The following TSPEAR variants were observed in gnomAD, a reference collection of about 807,000 sequenced individuals.
TSPEAR encodes thrombospondin type laminin G domain and EAR repeats, also known as thrombospondin-type laminin G domain and EAR repeat-containing protein.
A neutral mutation model predicts 71.6 loss-of-function variants in TSPEAR; 69 were observed. The ratio of observed to expected loss-of-function variants is 0.96; its 90% CI spans 0.79 to 1.18. TSPEAR has a LOEUF of 1.18. Among genes scored for constraint, TSPEAR ranks in the 50% most tolerant of loss-of-function variants. The probability of loss-of-function intolerance (pLI) is 0.00; values close to 1 mark genes in which losing one functional copy is unlikely to be tolerated. For synonymous variants in TSPEAR, 402 were observed against 387.2 expected (o/e 1.04, Z -0.45); for missense variants, 971 against 894.9 (o/e 1.09, Z -1.09).
chr21:44,644,113 T>A (rs1223890865), intron 1 of TSPEAR, among the ~76,000 whole-genome samples: 1 of 152,112 alleles, frequency 6.6e-6, no homozygotes, highest in Non-Finnish European at 1.5e-5. Flanking sequence ...TTCAACTCAC[T>A]CAGATCCCCA....
chr21:44,665,965 C>T (rs1452742790), intron 1 of TSPEAR, among the ~76,000 whole-genome samples: 1 of 152,194 alleles, frequency 6.6e-6, no homozygotes, highest in Non-Finnish European at 1.5e-5. Context: ...ACCACTCTAC[C>T]ACAGGCGGGT....
intron 1 of TSPEAR, among the ~76,000 whole-genome samples, chr21:44,584,164 A>T (rs1979190256): frequency 6.6e-6 from 1 of 152,042 alleles, no homozygotes; most frequent in East Asian, 1.9e-4. Flanking sequence ...TTTAGATTCC[A>T]CATATAAGCG....
chr21:44,566,983 G>A (rs1555921821), intron 2 of TSPEAR, among the ~76,000 whole-genome samples: 1 of 151,960 alleles, frequency 6.6e-6, no homozygotes, highest in African/African-American at 2.4e-5. Context: ...AAAAGTACAA[G>A]CAACAAAATA....
intron 1 of TSPEAR, among the ~76,000 whole-genome samples, chr21:44,672,111 T>A (rs1311858764): frequency 1.3e-5 from 2 of 151,508 alleles, no homozygotes; most frequent in African/African-American, 2.4e-5. Flanking sequence ...GAAGAAAAAA[T>A]TTCAGAAGTT....
chr21:44,649,113 G>A (rs1464404556), intron 1 of TSPEAR, among the ~76,000 whole-genome samples: 9 of 152,202 alleles, frequency 5.9e-5, no homozygotes, highest in African/African-American at 9.6e-5. Flanking sequence ...TCCCTCCACC[G>A]CCTGCTGGAC....
rs1408422810 is a variant in TSPEAR at position 44,499,652 on chromosome 21, C to T, written c.*131G>A. 7.0e-6 allele frequency: 7 copies of T among 1,004,348 alleles called. No individual in the cohort carries two copies. The highest frequency in any genetic ancestry group is 1.7e-5 in the African/African-American group (1 of 58,668). The allele number at this position is 1,004,348 out of a possible 1,614,324, so 62.2% of individuals were successfully genotyped here. The stretch of plus-strand genomic sequence containing the variant: ...GAACCAGGGCCGCAGATGGCCCCAC[C>T]TGCACCCTGCCTGATGCCCAGGCCC... On this transcript the variant is annotated 3_prime_UTR_variant, in exon 12 of 12. Transcript: ENST00000323084.
chr21:44,706,403 G>A (rs945577681), intron 1 of TSPEAR, among the ~76,000 whole-genome samples: 6 of 148,564 alleles, frequency 4.0e-5, no homozygotes, highest in Non-Finnish European at 7.4e-5. Flanking sequence ...CCATGCGCAC[G>A]CACCCATGCA....
rs782753184 is a variant in TSPEAR, at chr21:44,547,790, CACTTCCTGCTTGCACCTTT to C, written c.304-13886_304-13868del. Among the ~76,000 whole-genome samples the C allele has an allele frequency of 4.2e-3, 636 of 152,102 alleles. 1 individual carries two copies. Among genetic ancestry groups the C allele is most frequent in the Admixed American group, 9.2e-3 (141 of 15,270 alleles). Reference sequence around the variant, plus strand: ...CCCCTTCACTTCCTGCTTGCATCTTCACTTCCTGCTTGCACCTTTACTTCCTGCTTGCACCTTCCCTTCC... The same window carrying C: ...CCCCTTCACTTCCTGCTTGCATCTTCACTTCCTGCTTGCACCTTCCCTTCC... On this transcript the variant is annotated intron_variant, in intron 2 of 11. Transcript: ENST00000323084.
At chr21:44,615,554 T>TG (rs1207378969) in intron 1 of TSPEAR, among the ~76,000 whole-genome samples, 2 of 148,244 alleles carry the variant, frequency 1.3e-5, no homozygotes, top group African/African-American at 5.2e-5. Context: ...CAAAGGTTTT[T>TG]TTTTTTTTTT....
At chr21:44,676,930 A>G in intron 1 of TSPEAR, 2 of 880,368 alleles carry the variant, frequency 2.3e-6, no homozygotes, top group Non-Finnish European at 3.9e-6. Flanking sequence ...ACGGGCAATC[A>G]GGGAGTTCAG....
chr21:44,527,477 A>G lies in TSPEAR; in HGVS notation c.964T>C (p.Ser322Pro), dbSNP rs2052881032. The change falls in exon 7 of 12, where the codon TCC (serine) becomes CCC (proline). Residue 322 changes from serine to proline, a missense_variant. By Grantham distance (74) the Ser-to-Pro change is moderately conservative. Coordinates refer to ENST00000323084, the MANE Select transcript of TSPEAR (RefSeq NM_144991.3). ...LDYVEEHQNLSTNSETLGIEV... is the reference protein window; with the variant it reads ...LDYVEEHQNLPTNSETLGIEV... ...ATGCCCAGGGTCTCTGAGTTGGTGGACAAGTTCTGATGCTCCTCCACGTAG... is the reference window on the plus strand; with the variant it reads ...ATGCCCAGGGTCTCTGAGTTGGTGGGCAAGTTCTGATGCTCCTCCACGTAG... The G allele has an allele frequency of 1.2e-6, 2 of 1,614,224 alleles. No individual in the cohort carries two copies. The highest frequency in any genetic ancestry group is 1.1e-5 in the South Asian group (1 of 91,088).
intron 1 of TSPEAR, chr21:44,637,498 CGAGCCCTGCTGCTGT>C (rs1569233073): frequency 1.2e-6 from 2 of 1,613,302 alleles, no homozygotes; most frequent in African/African-American, 2.7e-5. Context: ...AGAGCTGCTG[CGAGCCCTGCTGCTGT>C]GCCCCAGCCC....
intron 2 of TSPEAR, among the ~76,000 whole-genome samples, chr21:44,556,804 T>C (rs2053538762): frequency 6.6e-6 from 1 of 152,102 alleles, no homozygotes; most frequent in Non-Finnish European, 1.5e-5. Flanking sequence ...ATCTTCCTAG[T>C]TGCAACAGGA....
chr21:44,529,068 A>G (rs1038303189), intron 5 of TSPEAR, among the ~76,000 whole-genome samples: 3 of 152,194 alleles, frequency 2.0e-5, no homozygotes, highest in African/African-American at 7.2e-5. Flanking sequence ...TGCACCTGCC[A>G]GCCGGTGCTG....
intron 8 of TSPEAR, among the ~76,000 whole-genome samples, chr21:44,522,884 C>T (rs1410399188): frequency 6.6e-6 from 1 of 152,274 alleles, no homozygotes. Flanking sequence ...GGGCCCACCA[C>T]CCAACATCTG....
At chr21:44,549,605 G>A (rs587641859) in intron 2 of TSPEAR, among the ~76,000 whole-genome samples, 2 of 152,368 alleles carry the variant, frequency 1.3e-5, no homozygotes, top group Admixed American at 6.5e-5. Context: ...ACGTGGTGAC[G>A]GTCATACCTC....
At chr21:44,510,300 C>G (rs2052332427) in intron 9 of TSPEAR, among the ~76,000 whole-genome samples, 2 of 152,218 alleles carry the variant, frequency 1.3e-5, no homozygotes, top group South Asian at 4.1e-4. Context: ...GAGGACGGAG[C>G]CGGTCATGCT....
chr21:44,653,921 A>T (rs1490311229), intron 1 of TSPEAR, among the ~76,000 whole-genome samples: 1 of 152,198 alleles, frequency 6.6e-6, no homozygotes, highest in Admixed American at 6.5e-5. Context: ...GCTTTCCAGA[A>T]TCCTGGGGAA....
chr21:44,575,855 A>G (rs2146091274), intron 1 of TSPEAR, among the ~76,000 whole-genome samples: 1 of 152,304 alleles, frequency 6.6e-6, no homozygotes, highest in East Asian at 1.9e-4. Flanking sequence ...CTGTGTGAGC[A>G]GAATCATCTC....
Sources: gnomAD v4.1 joint callset for allele counts (sites outside exome capture counted in the v4.1 genomes callset) on GRCh38, gnomAD v4.1.1 for gene constraint, MANE v1.5 for transcripts, NCBI Gene and HGNC (gene_info 2026-07-23, HGNC 2026-07-21) for gene names.